PLCG2: variants seen among roughly 807,000 people sequenced by gnomAD.
PLCG2 encodes the protein 1-phosphatidylinositol 4,5-bisphosphate phosphodiesterase gamma-2.
In PLCG2, 69 loss-of-function variants were observed where a neutral mutation model predicts 175.6. The ratio of observed to expected loss-of-function variants is 0.39; its 90% CI spans 0.32 to 0.48. The LOEUF is 0.48. Ranked by LOEUF, PLCG2 falls within the 20% of genes least tolerant of loss-of-function variation. PLCG2 has a pLI of 0.91. For synonymous variants in PLCG2, 827 were observed against 624.0 expected, an observed-to-expected ratio of 1.33 and a Z score of -4.85; for missense variants, 1,798 against 1,650.9, an observed-to-expected ratio of 1.09 and a Z score of -1.54.
intron 21 of PLCG2, chr16:81,921,634 T>A (rs12596690): frequency 0.084 from 28,098 of 332,952 alleles, 1,326 homozygotes; most frequent in South Asian, 0.12. Flanking sequence ...GCAAATGCTA[T>A]CTCATATTCC....
Position 81,772,396 on chromosome 16 carries a change from C to T in PLCG2, c.-47-13547C>T, listed in dbSNP as rs74809260. On this transcript the variant is annotated intron_variant, in intron 2 of 5. Transcript: ENST00000565054. ...GCATTCAGACTTCTGGCCTCCAGAACTGTGAGATGATATATCTCTATTTTT... is the reference window on the plus strand; with the variant it reads ...GCATTCAGACTTCTGGCCTCCAGAATTGTGAGATGATATATCTCTATTTTT... 1.7e-3 allele frequency among the ~76,000 whole-genome samples: 266 copies of T among 152,264 alleles called. 2 individuals carry two copies. Among genetic ancestry groups the T allele is most frequent in the African/African-American group, 6.1e-3 (252 of 41,540 alleles).
intron 2 of PLCG2, among the ~76,000 whole-genome samples, chr16:81,846,768 T>C (rs994725559): frequency 2.6e-5 from 4 of 152,220 alleles, no homozygotes; most frequent in Non-Finnish European, 5.9e-5. Context: ...AAAGGTTTTT[T>C]TCAATTCACA....
intron 6 of PLCG2, among the ~76,000 whole-genome samples, chr16:81,870,022 T>A (rs1186500028): frequency 6.6e-6 from 1 of 152,200 alleles, no homozygotes; most frequent in African/African-American, 2.4e-5. Context: ...AAAAAGCTCA[T>A]TTCATTTTTG....
At chr16:81,753,134 C>G (rs942542810) in intron 1 of PLCG2, among the ~76,000 whole-genome samples, 1 of 105,226 alleles carries the variant, frequency 9.5e-6, no homozygotes. Context: ...TGCTCCCGGC[C>G]TCGCACCCTT....
At chr16:81,742,930 A>G (rs2143046559) in intron 1 of PLCG2, among the ~76,000 whole-genome samples, 1 of 152,272 alleles carries the variant, frequency 6.6e-6, no homozygotes, top group African/African-American at 2.4e-5. Flanking sequence ...ATCAACTTGC[A>G]ATAACTTAGT....
At chr16:81,844,703 A>C (rs1013628429) in intron 2 of PLCG2, among the ~76,000 whole-genome samples, 10 of 152,368 alleles carry the variant, frequency 6.6e-5, no homozygotes, top group African/African-American at 2.2e-4. Flanking sequence ...TGCATTTTGC[A>C]TAAAAAAAGA....
intron 2 of PLCG2, among the ~76,000 whole-genome samples, chr16:81,838,335 C>T (rs1045799379): frequency 6.6e-6 from 1 of 152,332 alleles, no homozygotes; most frequent in Admixed American, 6.5e-5. Context: ...GATCTGCCTG[C>T]CTTGGCCTCC....
rs75109132 is a variant in PLCG2 at position 81,900,208 on chromosome 16, C to T, written c.1194-404C>T. 2.8e-3 allele frequency among the ~76,000 whole-genome samples: 425 copies of T among 152,328 alleles called. 1 individual carries two copies. Among genetic ancestry groups the T allele is most frequent in the African/African-American group, 9.5e-3 (394 of 41,560 alleles). ...ATAAACATACTAAAGTAGGTGGATG[C>T]ACACGTGGAACAGCGTCCCTGTTGG... On this transcript the variant is annotated intron_variant, in intron 13 of 32. Coordinates refer to ENST00000564138, the MANE Select transcript of PLCG2 (RefSeq NM_002661.5).
At chr16:81,799,872 T>C (rs545161330) in intron 2 of PLCG2, among the ~76,000 whole-genome samples, 17 of 152,302 alleles carry the variant, frequency 1.1e-4, no homozygotes, top group South Asian at 2.1e-4. Context: ...GGATTACAGG[T>C]GTGAACCACT....
intron 5 of PLCG2, among the ~76,000 whole-genome samples, chr16:81,864,149 G>T (rs1473681398): frequency 6.6e-6 from 1 of 152,152 alleles, no homozygotes; most frequent in East Asian, 1.9e-4. Flanking sequence ...TGTGAAAGTG[G>T]AGGCTGCTGG....
chr16:81,854,056 T>C (rs1906556942), intron 2 of PLCG2, among the ~76,000 whole-genome samples: 1 of 152,140 alleles, frequency 6.6e-6, no homozygotes, highest in Non-Finnish European at 1.5e-5. Flanking sequence ...ACCTTTAGGC[T>C]GCCTAGAGTG....
chr16:81,743,816 C>T (rs1255333347), intron 1 of PLCG2, among the ~76,000 whole-genome samples: 1 of 152,080 alleles, frequency 6.6e-6, no homozygotes, highest in Non-Finnish European at 1.5e-5. Context: ...GTGACTGTGG[C>T]CCTTGGTTTT....
intron 2 of PLCG2, among the ~76,000 whole-genome samples, chr16:81,788,367 G>A (rs930709519): frequency 6.6e-6 from 1 of 152,122 alleles, no homozygotes; most frequent in East Asian, 1.9e-4. Context: ...TGCAAGCTCC[G>A]CCTCCCGGAT....
chr16:81,741,236 C>A lies in PLCG2; in HGVS notation c.-145+1851C>A, dbSNP rs1029754445. Among the ~76,000 whole-genome samples, 47 of 151,970 alleles carry A rather than the reference C, an allele frequency of 3.1e-4. 2 individuals are homozygous for A. The highest frequency in any genetic ancestry group is 1.2e-4 in the Non-Finnish European group (8 of 68,026). The stretch of plus-strand genomic sequence containing the variant: ...CTTGTATTAAATACCTGCTGTGTGC[C>A]AGGTATTGTGCTGGGGCTTTGAGGT... On this transcript the variant is annotated intron_variant, in intron 1 of 5. Transcript: ENST00000565054.
chr16:81,942,015 C>T (rs1446326651), intron 30 of PLCG2, among the ~76,000 whole-genome samples: 2 of 152,142 alleles, frequency 1.3e-5, no homozygotes, highest in Non-Finnish European at 2.9e-5. Flanking sequence ...AGGAATGACA[C>T]CAATTCTTCT....
At chr16:81,792,972 T>C (rs1911306410) in intron 2 of PLCG2, among the ~76,000 whole-genome samples, 1 of 152,224 alleles carries the variant, frequency 6.6e-6, no homozygotes, top group Non-Finnish European at 1.5e-5. Flanking sequence ...TTCTATCTTA[T>C]TGGGTGAGAA....
intron 7 of PLCG2, among the ~76,000 whole-genome samples, chr16:81,873,121 G>C (rs1324930372): frequency 6.6e-6 from 1 of 152,208 alleles, no homozygotes; most frequent in Non-Finnish European, 1.5e-5. Context: ...GAAATAGAAA[G>C]ATTGCAGGCT....
intron 1 of PLCG2, among the ~76,000 whole-genome samples, chr16:81,782,662 C>G (rs1910790825): frequency 6.6e-6 from 1 of 152,210 alleles, no homozygotes; most frequent in South Asian, 2.1e-4. Flanking sequence ...TCGTGAGATA[C>G]AAGAACCCCA....
chr16:81,896,154 C>G (rs1263347747), intron 13 of PLCG2, among the ~76,000 whole-genome samples: 2 of 152,142 alleles, frequency 1.3e-5, no homozygotes, highest in Non-Finnish European at 2.9e-5. Flanking sequence ...CCCGAGGAGG[C>G]TCTGGCTGGG....
Sources: allele counts gnomAD v4.1 joint callset (sites outside exome capture counted in the v4.1 genomes callset), GRCh38; gene constraint gnomAD v4.1.1; transcripts MANE v1.5; gene names NCBI Gene and HGNC (gene_info 2026-07-23, HGNC 2026-07-21).